The following DMD variants were observed in gnomAD, a reference collection of about 807,000 sequenced individuals.
The protein encoded by DMD is dystrophin, also known as mutant dystrophin.
In DMD, 63 loss-of-function variants were observed where a neutral mutation model predicts 330.1. The observed-to-expected ratio is 0.19, with a 90% confidence interval of 0.16 to 0.24. DMD has a LOEUF of 0.24. DMD is among the 10% of genes least tolerant of loss of function. The pLI is 1.00. For synonymous variants in DMD, 1,223 were observed against 959.8 expected (o/e 1.27, Z -5.07); for missense variants, 3,344 against 2,684.1 (o/e 1.25, Z -5.43).
intron 41 of DMD, among the ~76,000 whole-genome samples, chrX:32,318,933 G>C (rs932678294): frequency 1.8e-5 from 2 of 110,939 alleles, no homozygotes; most frequent in African/African-American, 6.6e-5. Flanking sequence ...GGTCTGGACA[G>C]ACCTGCTCAT....
intron 63 of DMD, among the ~76,000 whole-genome samples, chrX:31,258,950 A>G (rs926288321): frequency 2.6e-5 from 1 of 39,095 alleles, no homozygotes; most frequent in African/African-American, 1.5e-4. Context: ...TTTCCAGTGG[A>G]AAAAAAAAAA....
chrX:33,120,744 G>T (rs1318922048), intron 1 of DMD, among the ~76,000 whole-genome samples: 1 of 108,960 alleles, frequency 9.2e-6, no homozygotes, highest in Admixed American at 9.9e-5. Context: ...AGCCAGGTGT[G>T]GTGGCGTGTG....
At position 32,390,157 on chromosome X, in the gene DMD, G is replaced by A. The variant is rs1475038240; in HGVS notation, c.4258C>T (p.His1420Tyr). Reference sequence around the variant, plus strand: ...TTCATTTCTTCTAAACTGATCTCATGACTTGTCAAATCAGATTGGATTTTC... The same window carrying A: ...TTCATTTCTTCTAAACTGATCTCATAACTTGTCAAATCAGATTGGATTTTC... Reference protein sequence around the residue: ...AQKIQSDLTSHEISLEEMKKH... With the variant: ...AQKIQSDLTSYEISLEEMKKH... Residue 1420 changes from histidine (H) to tyrosine (Y), a missense_variant, in exon 31 of 79, where the codon CAT (histidine) becomes TAT (tyrosine). His to Tyr is a moderately conservative substitution (Grantham distance 83). Transcript: ENST00000357033. 4.2e-6 allele frequency: 5 copies of A among 1,204,819 alleles called. No individual in the cohort carries two copies. Among genetic ancestry groups the A allele is most frequent in the Middle Eastern group, 2.3e-4 (1 of 4,340 alleles).
intron 1 of DMD, among the ~76,000 whole-genome samples, chrX:33,192,610 T>G (rs1269208169): frequency 8.9e-6 from 1 of 112,156 alleles, no homozygotes; most frequent in Admixed American, 9.5e-5. Context: ...GATCTAAAAT[T>G]TCATCAGTTT....
intron 1 of DMD, among the ~76,000 whole-genome samples, chrX:33,026,992 A>G (rs2147815700): frequency 8.9e-6 from 1 of 112,012 alleles, no homozygotes; most frequent in Non-Finnish European, 1.9e-5. Flanking sequence ...TCCTCTTCTC[A>G]TTTTTCTCCT....
intron 62 of DMD, among the ~76,000 whole-genome samples, chrX:31,287,450 C>T (rs989526862): frequency 7.1e-5 from 8 of 112,365 alleles, no homozygotes; most frequent in East Asian, 2.8e-4. Context: ...AAGTAGCACG[C>T]GTTAGCACAT....
chrX:31,499,955 T>G (rs183620317), intron 56 of DMD, among the ~76,000 whole-genome samples: 1 of 112,066 alleles, frequency 8.9e-6, no homozygotes, highest in Non-Finnish European at 1.9e-5. Flanking sequence ...GTAAGGGGAC[T>G]TCCTTTAATT....
chrX:32,883,230 T>A (rs1004741289), intron 2 of DMD, among the ~76,000 whole-genome samples: 1 of 112,095 alleles, frequency 8.9e-6, no homozygotes, highest in South Asian at 3.7e-4. Context: ...TTACATTTCA[T>A]ATACATGGTT....
chrX:32,173,659 C>A (rs1306268423), intron 44 of DMD, among the ~76,000 whole-genome samples: 1 of 111,529 alleles, frequency 9.0e-6, no homozygotes, highest in African/African-American at 3.3e-5. Flanking sequence ...GTGTGAGCCA[C>A]CGCAACCAGC....
intron 52 of DMD, among the ~76,000 whole-genome samples, chrX:31,711,899 GATCT>G (rs1386269849): frequency 9.0e-6 from 1 of 111,027 alleles, no homozygotes; most frequent in East Asian, 2.8e-4. Flanking sequence ...ATCTGTAAGA[GATCT>G]ATTATGAGGA....
chrX:32,280,609 C>T (rs961093982), intron 43 of DMD, among the ~76,000 whole-genome samples: 55 of 111,454 alleles, frequency 4.9e-4, no homozygotes, highest in African/African-American at 1.8e-3. Flanking sequence ...CATGTATCTT[C>T]CCAACTACAT....
intron 50 of DMD, among the ~76,000 whole-genome samples, chrX:31,807,360 T>C (rs1351618103): frequency 2.7e-5 from 3 of 111,629 alleles, no homozygotes; most frequent in Non-Finnish European, 5.6e-5. Context: ...TGCTGGACTA[T>C]GGTACCCTAT....
chrX:32,801,088 T>A (rs768819072), intron 7 of DMD, among the ~76,000 whole-genome samples: 20 of 111,655 alleles, frequency 1.8e-4, no homozygotes, highest in Middle Eastern at 4.6e-3. Flanking sequence ...CTCTAGATCC[T>A]TGAGCAATCA....
chrX:32,684,342 T>C (rs1472286374), intron 9 of DMD, among the ~76,000 whole-genome samples: 1 of 111,773 alleles, frequency 8.9e-6, no homozygotes, highest in Non-Finnish European at 1.9e-5. Flanking sequence ...GTATTAAGTA[T>C]ATAACTATAG....
intron 53 of DMD, among the ~76,000 whole-genome samples, chrX:31,662,652 C>T (rs1234742722): frequency 1.8e-5 from 2 of 110,183 alleles, no homozygotes; most frequent in African/African-American, 3.3e-5. Context: ...TGCAGAGTAA[C>T]GAAAGGACAT....
chrX:31,162,571 T>C lies in DMD; in HGVS notation c.10553+6872A>G, dbSNP rs993365015. Among the ~76,000 whole-genome samples, 3 of 109,397 alleles carry C rather than the reference T, an allele frequency of 2.7e-5. No homozygotes were observed. In the South Asian group the frequency reaches 1.2e-3, roughly 44 times the overall value. The allele number at this position is 109,397 out of a possible 115,157, so 95.0% of individuals were successfully genotyped here. A position where few individuals can be genotyped will look rare whatever the true frequency, so the allele number is the denominator to read the frequency against. ...TCACCAGAACACAATTTGATTTTTA[T>C]TGTGATTCCTAAGACACTGGATTCT... On this transcript the variant is annotated intron_variant, in intron 74 of 78. Transcript: ENST00000357033.
At chrX:32,003,861 C>T (rs2095643363) in intron 44 of DMD, among the ~76,000 whole-genome samples, 1 of 110,822 alleles carries the variant, frequency 9.0e-6, no homozygotes, top group South Asian at 3.8e-4. Flanking sequence ...AAGAAATGAC[C>T]GTAGTTCTCT....
chrX:31,836,891 C>A (rs769370661), intron 48 of DMD, 72 bp from the exon 49 acceptor site: 273 of 888,790 alleles, frequency 3.1e-4, no homozygotes, highest in Non-Finnish European at 4.1e-4. Flanking sequence ...TTAAATATAC[C>A]CTTGGAGACT....
At chrX:31,366,279 A>G (rs184015561) in intron 60 of DMD, among the ~76,000 whole-genome samples, 65 of 109,294 alleles carry the variant, frequency 5.9e-4, no homozygotes, top group Non-Finnish European at 9.5e-5. Context: ...CAGGCTACGC[A>G]CCACTGATAA....
Sources: allele counts gnomAD v4.1 joint callset (sites outside exome capture counted in the v4.1 genomes callset), GRCh38; gene constraint gnomAD v4.1.1; transcripts MANE v1.5; gene names NCBI Gene and HGNC (gene_info 2026-07-23, HGNC 2026-07-21).